Variants in RSRC1 observed in about 807,000 individuals in gnomAD.
RSRC1 encodes the protein arginine and serine rich coiled-coil 1.
In RSRC1, 39 loss-of-function variants were observed where a neutral mutation model predicts 49.1. That is an observed-to-expected ratio of 0.79 (90% CI 0.61 to 1.04). RSRC1 has a LOEUF of 1.04. RSRC1 is among the 50% of genes least tolerant of loss of function. The pLI is 0.00. For missense variants in RSRC1, 388 were observed against 402.4 expected, an observed-to-expected ratio of 0.96 and a Z score of 0.31; for synonymous variants, 143 against 130.8, an observed-to-expected ratio of 1.09 and a Z score of -0.63.
chr3:158,273,048 G>A (rs1272777898), intron 4 of RSRC1, among the ~76,000 whole-genome samples: 1 of 151,796 alleles, frequency 6.6e-6, no homozygotes, highest in Non-Finnish European at 1.5e-5. Context: ...ACCTGTTTTT[G>A]TGTTTTTATC....
intron 6 of RSRC1, among the ~76,000 whole-genome samples, chr3:158,417,704 G>A (rs1734820292): frequency 1.3e-5 from 2 of 151,248 alleles, no homozygotes; most frequent in South Asian, 4.2e-4. Flanking sequence ...CCTATAGGGA[G>A]AATATTAATA....
At chr3:158,297,256 T>C (rs955550283) in intron 4 of RSRC1, among the ~76,000 whole-genome samples, 5 of 152,008 alleles carry the variant, frequency 3.3e-5, no homozygotes, top group Non-Finnish European at 7.4e-5. Flanking sequence ...CAGATTGAAA[T>C]CAGAAAAAAT....
chr3:158,456,679 T>C (rs896487773), intron 6 of RSRC1, among the ~76,000 whole-genome samples: 28 of 152,054 alleles, frequency 1.8e-4, no homozygotes, highest in African/African-American at 6.5e-4. Flanking sequence ...TCTGGTAGGA[T>C]TTTTTCAGCA....
intron 3 of RSRC1, among the ~76,000 whole-genome samples, chr3:158,162,890 CAG>C (rs980974504): frequency 1.2e-4 from 18 of 152,132 alleles, no homozygotes; most frequent in African/African-American, 4.1e-4. Context: ...TCAGGAGAAA[CAG>C]AAATGATATT....
chr3:158,162,859 G>A (rs1718314399), intron 3 of RSRC1, among the ~76,000 whole-genome samples: 1 of 152,158 alleles, frequency 6.6e-6, no homozygotes, highest in Non-Finnish European at 1.5e-5. Context: ...GAAAAGTTAA[G>A]TATTCTAAAA....
At chr3:158,460,514 T>G (rs761977142) in intron 6 of RSRC1, among the ~76,000 whole-genome samples, 1 of 151,932 alleles carries the variant, frequency 6.6e-6, no homozygotes, top group Non-Finnish European at 1.5e-5. Context: ...GTATGCTACC[T>G]AATTTGATAC....
intron 7 of RSRC1, among the ~76,000 whole-genome samples, chr3:158,518,226 A>G (rs1458137935): frequency 7.8e-6 from 1 of 128,346 alleles, no homozygotes; most frequent in Non-Finnish European, 1.6e-5. Context: ...CTTTTTTGGT[A>G]CTGTTCTTGA....
At chr3:158,314,932 T>C (rs1265703701) in intron 5 of RSRC1, among the ~76,000 whole-genome samples, 2 of 151,990 alleles carry the variant, frequency 1.3e-5, no homozygotes, top group East Asian at 3.9e-4. Flanking sequence ...TAGAGGAGGC[T>C]GAGGCAGGAG....
chr3:158,339,394 A>G (rs942330050), intron 5 of RSRC1, among the ~76,000 whole-genome samples: 1 of 152,018 alleles, frequency 6.6e-6, no homozygotes, highest in Non-Finnish European at 1.5e-5. Context: ...TGGGAAAGAT[A>G]TGGCACATAG....
At chr3:158,145,616 C>T (rs1307768272) in intron 3 of RSRC1, among the ~76,000 whole-genome samples, 6 of 152,112 alleles carry the variant, frequency 3.9e-5, no homozygotes, top group Admixed American at 6.5e-5. Context: ...GCAATGCGGG[C>T]TCTTTTTTGG....
At chr3:158,314,859 C>A (rs1387001330) in intron 5 of RSRC1, among the ~76,000 whole-genome samples, 2 of 152,058 alleles carry the variant, frequency 1.3e-5, no homozygotes, top group Non-Finnish European at 2.9e-5. Flanking sequence ...TGGTGAAACC[C>A]CGTCTCTACT....
At chr3:158,468,155 G>T (rs916490921) in intron 7 of RSRC1, among the ~76,000 whole-genome samples, 1 of 152,108 alleles carries the variant, frequency 6.6e-6, no homozygotes, top group African/African-American at 2.4e-5. Flanking sequence ...GGTTGGTCTC[G>T]ATCTCCTGAC....
intron 6 of RSRC1, among the ~76,000 whole-genome samples, chr3:158,407,476 A>G (rs1420271488): frequency 6.6e-6 from 1 of 152,214 alleles, no homozygotes; most frequent in African/African-American, 2.4e-5. Flanking sequence ...AAAAGACCAC[A>G]TTTGGCTAAT....
intron 5 of RSRC1, among the ~76,000 whole-genome samples, chr3:158,334,234 C>A: frequency 6.6e-6 from 1 of 151,992 alleles, no homozygotes; most frequent in Admixed American, 6.6e-5. Context: ...AATTTAGGAA[C>A]CTTTGAAATT....
At chr3:158,113,537 T>G (rs1176008653) in intron 1 of RSRC1, among the ~76,000 whole-genome samples, 1 of 151,830 alleles carries the variant, frequency 6.6e-6, no homozygotes, top group African/African-American at 2.4e-5. Context: ...CCCAGCTAAT[T>G]TTTGTATTTT....
chr3:158,430,579 A>G (rs1735728288), intron 6 of RSRC1, among the ~76,000 whole-genome samples: 1 of 151,924 alleles, frequency 6.6e-6, no homozygotes, highest in Non-Finnish European at 1.5e-5. Flanking sequence ...GCGTATGTTT[A>G]ACAAGTATTT....
chr3:158,471,698 A>G (rs1363534087), intron 7 of RSRC1, among the ~76,000 whole-genome samples: 2 of 152,188 alleles, frequency 1.3e-5, no homozygotes, highest in Admixed American at 6.5e-5. Flanking sequence ...GTGAATATAC[A>G]AGTTGGGATG....
intron 4 of RSRC1, among the ~76,000 whole-genome samples, chr3:158,238,656 C>G (rs1053318010): frequency 1.4e-4 from 21 of 152,158 alleles, no homozygotes; most frequent in Admixed American, 2.6e-4. Flanking sequence ...GGAAAACTGG[C>G]TAGCCATATG....
chr3:158,363,654 C>T (rs1731605992), intron 6 of RSRC1, among the ~76,000 whole-genome samples: 1 of 152,178 alleles, frequency 6.6e-6, no homozygotes, highest in African/African-American at 2.4e-5. Context: ...TAACCTTATT[C>T]TATAAGACTT....
Sources: gnomAD v4.1 joint callset for allele counts (sites outside exome capture counted in the v4.1 genomes callset) on GRCh38, gnomAD v4.1.1 for gene constraint, MANE v1.5 for transcripts, NCBI Gene and HGNC (gene_info 2026-07-23, HGNC 2026-07-21) for gene names.